SMARCA5: variants seen among roughly 807,000 people sequenced by gnomAD.
SMARCA5 encodes the protein SWI/SNF-related matrix-associated actin-dependent regulator of chromatin subfamily A member 5.
A neutral mutation model predicts 140.4 loss-of-function variants in SMARCA5; 18 were observed. That is an observed-to-expected ratio of 0.13 (90% CI 0.09 to 0.19). The LOEUF (loss-of-function observed/expected upper bound fraction) is 0.19. Among genes scored for constraint, SMARCA5 ranks in the 10% least tolerant of loss-of-function variants. SMARCA5 has a pLI of 1.00. For synonymous variants in SMARCA5, 449 were observed against 419.6 expected (o/e 1.07, Z -0.86); for missense variants, 606 against 1,276.8 (o/e 0.47, Z 8.01).
At chr4:143,526,603 A>C in intron 6 of SMARCA5, 143 bp downstream of exon 6, 1 of 623,120 alleles carries the variant, frequency 1.6e-6, no homozygotes, top group Non-Finnish European at 2.7e-6. Context: ...GTCTTGGTGG[A>C]TAAAAAACAG....
intron 10 of SMARCA5, among the ~76,000 whole-genome samples, chr4:143,535,603 A>G (rs1737286418): frequency 6.6e-6 from 1 of 152,170 alleles, no homozygotes; most frequent in African/African-American, 2.4e-5. Flanking sequence ...GGTAGCAGAT[A>G]TTAGGCTTAC....
intron 13 of SMARCA5, among the ~76,000 whole-genome samples, 163 bp from the exon 14 acceptor site, chr4:143,540,200 A>G (rs528957121): frequency 6.6e-6 from 1 of 152,340 alleles, no homozygotes; most frequent in South Asian, 2.1e-4. Flanking sequence ...ATCTCAGTGT[A>G]ACCTAGCAGA....
intron 7 of SMARCA5, 120 bp from the exon 8 acceptor site, chr4:143,528,463 C>T (rs1458746507): frequency 1.5e-5 from 11 of 745,698 alleles, no homozygotes; most frequent in Non-Finnish European, 1.9e-5. Flanking sequence ...TGTATATGTG[C>T]CATATTTTCT....
chr4:143,530,323 G>T, intron 8 of SMARCA5, 135 bp from the exon 9 acceptor site: 1 of 510,750 alleles, frequency 2.0e-6, no homozygotes, highest in Non-Finnish European at 3.4e-6. Flanking sequence ...TGAAAACCAG[G>T]ATTGGACTAA....
chr4:143,517,946 A>T (rs1417424063), intron 2 of SMARCA5, among the ~76,000 whole-genome samples: 1 of 152,168 alleles, frequency 6.6e-6, no homozygotes, highest in Non-Finnish European at 1.5e-5. Flanking sequence ...ATGTAAGCCA[A>T]ATGGAAGTAT....
intron 3 of SMARCA5, 33 bp downstream of exon 3, chr4:143,521,628 A>G: frequency 6.4e-7 from 1 of 1,552,312 alleles, no homozygotes; most frequent in Non-Finnish European, 8.7e-7. Context: ...TAGTTCAACC[A>G]AACTTATTTT....
intron 3 of SMARCA5, among the ~76,000 whole-genome samples, chr4:143,522,245 G>A (rs965560478): frequency 6.6e-6 from 1 of 152,170 alleles, no homozygotes; most frequent in African/African-American, 2.4e-5. Context: ...ATAAATTGAA[G>A]TGTCACGTTG....
At chr4:143,517,007 C>T (rs1293675911) in intron 1 of SMARCA5, among the ~76,000 whole-genome samples, 1 of 152,050 alleles carries the variant, frequency 6.6e-6, no homozygotes, top group African/African-American at 2.4e-5. Flanking sequence ...GAACTTTTCC[C>T]CACATTTTAT....
chr4:143,553,155 C>A lies in SMARCA5; in HGVS notation c.3130C>A (p.Arg1044=), dbSNP rs779006390. 5.0e-6 allele frequency: 8 copies of A among 1,612,224 alleles called. No individual in the cohort carries two copies. The South Asian group carries it at 8.8e-5, about 18-fold the overall frequency. ...TAAAATGGATGGCGCACCTGATGGT[C>A]GAGGAAGAAAAAAGAAGCTGAAACT... ...KRKMDGAPDG[R]GRKKKLKL is the part of the protein sequence containing the mutation. The change falls in exon 24 of 24, where the codon CGA becomes AGA. Residue 1044 remains arginine (R), a synonymous_variant. Transcript: ENST00000283131.
chr4:143,537,435 A>G (rs1444637892), intron 11 of SMARCA5, among the ~76,000 whole-genome samples: 1 of 152,222 alleles, frequency 6.6e-6, no homozygotes, highest in Admixed American at 6.5e-5. Flanking sequence ...CTATGATACT[A>G]TCAAAAGCAT....
intron 1 of SMARCA5, among the ~76,000 whole-genome samples, chr4:143,515,868 C>T (rs1736818683): frequency 6.6e-6 from 1 of 151,858 alleles, no homozygotes; most frequent in Non-Finnish European, 1.5e-5. Flanking sequence ...TTTGGCGGTT[C>T]AATTTATTGA....
rs747819469 is a variant in SMARCA5, at chr4:143,528,039, G to A, written c.957+16G>A. On this transcript the variant is annotated intron_variant, in intron 7 of 23. Coordinates refer to ENST00000283131, the MANE Select transcript of SMARCA5 (RefSeq NM_003601.4). ...AAAATCTAAGGTAATTTGATACTTA[G>A]ATGTGAAAAGCCTTCATGTAAGAAT... 5 of 1,536,690 alleles carry A rather than the reference G, an allele frequency of 3.3e-6. No individual in the cohort carries two copies. Among genetic ancestry groups the A allele is most frequent in the Non-Finnish European group, 3.5e-6 (4 of 1,148,390 alleles).
intron 16 of SMARCA5, 75 bp downstream of exon 16, chr4:143,544,047 A>G (rs1182175111): frequency 1.8e-6 from 2 of 1,138,336 alleles, no homozygotes; most frequent in Non-Finnish European, 2.4e-6. Context: ...TGTTACTGTA[A>G]TGTCTTATAA....
At chr4:143,539,543 T>G (rs1025457340) in intron 13 of SMARCA5, among the ~76,000 whole-genome samples, 18 of 151,790 alleles carry the variant, frequency 1.2e-4, no homozygotes, top group Admixed American at 3.3e-4. Context: ...CTTTCTTTTT[T>G]TTTTTTTTTT....
chr4:143,536,730 A>G, intron 11 of SMARCA5, 52 bp downstream of exon 11: 4 of 1,251,572 alleles, frequency 3.2e-6, no homozygotes. Flanking sequence ...TGCTCATGTT[A>G]AAACAAAGGA....
chr4:143,546,657 TA>T, intron 19 of SMARCA5, 118 bp from the exon 20 acceptor site: 1 of 896,208 alleles, frequency 1.1e-6, no homozygotes, highest in Non-Finnish European at 1.7e-6. Context: ...GTTACCACTC[TA>T]AAAGAACTTA....
intron 10 of SMARCA5, among the ~76,000 whole-genome samples, chr4:143,535,904 C>A (rs1578799275): frequency 6.6e-6 from 1 of 152,200 alleles, no homozygotes; most frequent in South Asian, 2.1e-4. Flanking sequence ...CACAGTCCTG[C>A]CTCACAGACA....
In SMARCA5 at chr4:143,554,558, T is replaced by TA; in HGVS notation, c.*1376dup. On this transcript the variant is annotated 3_prime_UTR_variant, in exon 24 of 24. Transcript: ENST00000283131. ...TACCTGCAGTATTACTAATACTGCT[T>TA]AATTTCTTGAAATGTGGAATTGCTG... 1 of 152,700 alleles carries TA rather than the reference T, an allele frequency of 6.5e-6. No individual in the cohort carries two copies. The highest frequency in any genetic ancestry group is 2.1e-4 in the South Asian group (1 of 4,840). The allele number at this position is 152,700 out of a possible 1,614,324, so 9.5% of individuals were successfully genotyped here. A position where few individuals can be genotyped will look rare whatever the true frequency, so the allele number is the denominator to read the frequency against.
intron 22 of SMARCA5, among the ~76,000 whole-genome samples, chr4:143,548,824 G>T (rs1737580422): frequency 6.6e-6 from 1 of 151,970 alleles, no homozygotes; most frequent in Non-Finnish European, 1.5e-5. Context: ...ACATCTTTGT[G>T]TTTGTTTATA....
Sources: allele counts gnomAD v4.1 joint callset (sites outside exome capture counted in the v4.1 genomes callset), GRCh38; gene constraint gnomAD v4.1.1; transcripts MANE v1.5; gene names NCBI Gene and HGNC (gene_info 2026-07-23, HGNC 2026-07-21).